ITPK1: variants seen among roughly 807,000 people sequenced by gnomAD.
ITPK1 encodes the protein inositol 1,3,4-trisphosphate 5/6-kinase.
Under a neutral mutation model 45.3 loss-of-function variants are expected in ITPK1, and 21 were observed. That is an observed-to-expected ratio of 0.46 (90% CI 0.33 to 0.67). The LOEUF is 0.67. Ranked by LOEUF, ITPK1 falls within the 30% of genes least tolerant of loss-of-function variation. The probability of loss-of-function intolerance (pLI) is 0.02; values close to 1 mark genes in which losing one functional copy is unlikely to be tolerated. For synonymous variants in ITPK1, 258 were observed against 253.6 expected (o/e 1.02, Z -0.16); for missense variants, 474 against 573.5 (o/e 0.83, Z 1.77).
At chr14:93,013,890 G>A (rs1430242454) in intron 4 of ITPK1, among the ~76,000 whole-genome samples, 2 of 152,192 alleles carry the variant, frequency 1.3e-5, no homozygotes, top group East Asian at 1.9e-4. Flanking sequence ...GGAAGGGGAC[G>A]ATCAATGCTG....
chr14:93,089,433 A>T (rs142341047), intron 2 of ITPK1, among the ~76,000 whole-genome samples: 1 of 152,274 alleles, frequency 6.6e-6, no homozygotes, highest in African/African-American at 2.4e-5. Flanking sequence ...CCATAGGAAG[A>T]GGTTGCTGGC....
chr14:92,961,593 C>T (rs1460469594), intron 7 of ITPK1, among the ~76,000 whole-genome samples: 2 of 152,220 alleles, frequency 1.3e-5, no homozygotes, highest in Non-Finnish European at 2.9e-5. Context: ...GAGCTAACAG[C>T]CCTCATGTGG....
chr14:93,083,200 G>A (rs531709934), intron 2 of ITPK1, among the ~76,000 whole-genome samples: 43 of 152,256 alleles, frequency 2.8e-4, no homozygotes, highest in Admixed American at 1.1e-3. Context: ...CAGGTGTGGC[G>A]TCAGGAGGTT....
chr14:93,009,494 C>G (rs931319109), intron 4 of ITPK1, among the ~76,000 whole-genome samples: 22 of 152,292 alleles, frequency 1.4e-4, no homozygotes, highest in African/African-American at 5.1e-4. Context: ...GGCTTGCTTT[C>G]CACAAGGGGA....
At chr14:92,979,890 G>A (rs2041422432) in intron 5 of ITPK1, among the ~76,000 whole-genome samples, 1 of 150,926 alleles carries the variant, frequency 6.6e-6, no homozygotes, top group African/African-American at 2.4e-5. Flanking sequence ...TCAGCTCACT[G>A]CAGCCTCAGC....
At chr14:92,976,154 C>T (rs1885928880) in intron 5 of ITPK1, among the ~76,000 whole-genome samples, 1 of 152,164 alleles carries the variant, frequency 6.6e-6, no homozygotes, top group Non-Finnish European at 1.5e-5. Flanking sequence ...GTGAGAATGA[C>T]CTAATACAGA....
chr14:92,971,883 C>G (rs945032196), intron 5 of ITPK1, among the ~76,000 whole-genome samples: 1 of 152,202 alleles, frequency 6.6e-6, no homozygotes, highest in African/African-American at 2.4e-5. Flanking sequence ...GATGCCCACC[C>G]TCCTCGGGGT....
At chr14:93,006,416 A>T (rs1319952403) in intron 4 of ITPK1, among the ~76,000 whole-genome samples, 1 of 152,228 alleles carries the variant, frequency 6.6e-6, no homozygotes, top group Admixed American at 6.5e-5. Context: ...GATTGGGGGA[A>T]GGCATTAAAA....
intron 4 of ITPK1, among the ~76,000 whole-genome samples, chr14:93,015,513 G>A (rs952744603): frequency 1.1e-4 from 16 of 152,200 alleles, no homozygotes; most frequent in Admixed American, 9.8e-4. Context: ...GAGGCTCCAC[G>A]AGGTCACAGA....
intron 5 of ITPK1, among the ~76,000 whole-genome samples, chr14:92,983,239 A>T (rs1465787412): frequency 5.3e-5 from 8 of 152,142 alleles, no homozygotes; most frequent in Admixed American, 3.3e-4. Flanking sequence ...GCTCCCACTG[A>T]TTTACAGCCC....
At chr14:93,019,732 G>A (rs1676718140) in intron 3 of ITPK1, among the ~76,000 whole-genome samples, 1 of 152,138 alleles carries the variant, frequency 6.6e-6, no homozygotes, top group South Asian at 2.1e-4. Flanking sequence ...TGGGCCCTTG[G>A]GTGCGGCCCC....
At chr14:93,020,338 T>C (rs887718358) in intron 3 of ITPK1, among the ~76,000 whole-genome samples, 2 of 151,894 alleles carry the variant, frequency 1.3e-5, no homozygotes, top group Non-Finnish European at 2.9e-5. Context: ...TGGGGAGGGG[T>C]GGGCCAGGCA....
intron 3 of ITPK1, among the ~76,000 whole-genome samples, chr14:93,022,343 G>C (rs1002970120): frequency 6.6e-6 from 1 of 152,156 alleles, no homozygotes; most frequent in African/African-American, 2.4e-5. Flanking sequence ...AAAACGGGGT[G>C]CTGGCTAATG....
chr14:93,062,200 G>A (rs2139954138), intron 3 of ITPK1, among the ~76,000 whole-genome samples: 1 of 152,282 alleles, frequency 6.6e-6, no homozygotes, highest in South Asian at 2.1e-4. Flanking sequence ...GAACCTGGGA[G>A]GCGGAGGTTG....
chr14:93,103,793 C>T (rs151093764), intron 2 of ITPK1, among the ~76,000 whole-genome samples: 76 of 152,272 alleles, frequency 5.0e-4, no homozygotes, highest in African/African-American at 1.3e-3. Flanking sequence ...CCTCCGCAGC[C>T]CAGCCCTTGA....
At chr14:93,041,103 A>G (rs551274875) in intron 3 of ITPK1, among the ~76,000 whole-genome samples, 1 of 152,210 alleles carries the variant, frequency 6.6e-6, no homozygotes, top group South Asian at 2.1e-4. Flanking sequence ...GGAGGGGGCT[A>G]TTTTGATCAG....
At chr14:93,081,324 A>G (rs1891426168) in intron 2 of ITPK1, among the ~76,000 whole-genome samples, 1 of 142,668 alleles carries the variant, frequency 7.0e-6, no homozygotes, top group South Asian at 2.2e-4. Flanking sequence ...ACAGAGCGAG[A>G]TGCCGTCTCA....
At chr14:92,982,359 C>T (rs1402323949) in intron 5 of ITPK1, among the ~76,000 whole-genome samples, 1 of 152,186 alleles carries the variant, frequency 6.6e-6, no homozygotes, top group Non-Finnish European at 1.5e-5. Context: ...AGAGCTTCTT[C>T]TCTGAAGAGG....
Position 93,089,648 on chromosome 14 carries a change from T to C in ITPK1, c.96-13029A>G, listed in dbSNP as rs1012970892. Among the ~76,000 whole-genome samples the C allele has an allele frequency of 5.9e-5, 9 of 152,136 alleles. No individual in the cohort carries two copies. The East Asian group carries it at 1.6e-3, about 26-fold the overall frequency. On this transcript the variant is annotated intron_variant, in intron 2 of 10. Transcript: ENST00000267615. ...GTCACAGGACTGCAGCTCATGAGAA[T>C]GGTATGTCAGCTGGGTCTCTGGAGG...
Sources: gnomAD v4.1 joint callset for allele counts (sites outside exome capture counted in the v4.1 genomes callset) on GRCh38, gnomAD v4.1.1 for gene constraint, MANE v1.5 for transcripts, NCBI Gene and HGNC (gene_info 2026-07-23, HGNC 2026-07-21) for gene names.